The following PDE2A variants were observed in gnomAD, a reference collection of about 807,000 sequenced individuals.
PDE2A encodes phosphodiesterase 2A, also known as cGMP-dependent 3',5'-cyclic phosphodiesterase.
Under a neutral mutation model 133.6 loss-of-function variants are expected in PDE2A, and 53 were observed. The ratio of observed to expected loss-of-function variants is 0.40; its 90% confidence interval spans 0.32 to 0.50. PDE2A has a LOEUF of 0.50. Ranked by LOEUF, PDE2A falls within the 20% of genes least tolerant of loss-of-function variation. The pLI, the probability that PDE2A is intolerant of heterozygous loss-of-function variation, is 0.73. For synonymous variants in PDE2A, 491 were observed against 490.2 expected (o/e 1.00, Z -0.02); for missense variants, 796 against 1,232.4 (o/e 0.65, Z 5.30).
chr11:72,636,817 C>G (rs1024814490), intron 2 of PDE2A, among the ~76,000 whole-genome samples: 1 of 152,174 alleles, frequency 6.6e-6, no homozygotes, highest in Non-Finnish European at 1.5e-5. Context: ...GTCTCCACAC[C>G]ATGGTCCAGG....
chr11:72,606,861 C>A (rs969836077), intron 3 of PDE2A, among the ~76,000 whole-genome samples: 2 of 152,190 alleles, frequency 1.3e-5, no homozygotes, highest in Admixed American at 6.5e-5. Flanking sequence ...TCTCCCACCC[C>A]CTTACTCTCA....
chr11:72,607,144 G>A (rs952803138), intron 3 of PDE2A, among the ~76,000 whole-genome samples: 2 of 152,184 alleles, frequency 1.3e-5, no homozygotes, highest in Non-Finnish European at 2.9e-5. Flanking sequence ...GGCTTCCCTA[G>A]CTCCTATAGG....
intron 2 of PDE2A, among the ~76,000 whole-genome samples, chr11:72,633,571 C>T (rs1952070113): frequency 6.6e-6 from 1 of 152,166 alleles, no homozygotes; most frequent in African/African-American, 2.4e-5. Context: ...TCCTGATGGT[C>T]TGACCAGTTT....
At chr11:72,631,261 T>G in intron 2 of PDE2A, 1 of 689,002 alleles carries the variant, frequency 1.5e-6, no homozygotes, top group Non-Finnish European at 2.4e-6. Context: ...GAGCCTTGCC[T>G]GCTTGCACCC....
intron 24 of PDE2A, 64 bp from the exon 25 acceptor site, chr11:72,580,688 G>A: frequency 3.9e-6 from 5 of 1,294,324 alleles, no homozygotes; most frequent in Non-Finnish European, 5.5e-6. Flanking sequence ...ACTGCTTTAG[G>A]CTGAGCAGTG....
At chr11:72,650,964 T>C (rs1854724828) in intron 1 of PDE2A, among the ~76,000 whole-genome samples, 2 of 150,220 alleles carry the variant, frequency 1.3e-5, no homozygotes, top group South Asian at 4.2e-4. Context: ...CCATCAGAGA[T>C]ACCAAGGCAA....
intron 18 of PDE2A, 104 bp downstream of exon 18, chr11:72,584,447 C>T: frequency 7.2e-7 from 1 of 1,385,334 alleles, no homozygotes; most frequent in Non-Finnish European, 1.0e-6. Context: ...CTCCCTTATG[C>T]TCCGGGACGC....
In PDE2A at chr11:72,667,398, C is replaced by G. The variant is rs115537178; in HGVS notation, c.71+6739G>C. Among the ~76,000 whole-genome samples, 189 of 152,324 alleles carry G rather than the reference C, an allele frequency of 1.2e-3. 1 individual carries two copies. The highest frequency in any genetic ancestry group is 4.4e-3 in the African/African-American group (183 of 41,570). Reference sequence around the variant, plus strand: ...CAGAACCATGAGGAGAAAATTTCCTCTGGCTTAACTCAGTATGTCTGTCCC... The same window carrying G: ...CAGAACCATGAGGAGAAAATTTCCTGTGGCTTAACTCAGTATGTCTGTCCC... On this transcript the variant is annotated intron_variant, in intron 1 of 30. Coordinates refer to ENST00000334456, the MANE Select transcript of PDE2A (RefSeq NM_002599.5).
At chr11:72,619,084 C>A (rs1591081312) in intron 2 of PDE2A, among the ~76,000 whole-genome samples, 1 of 152,132 alleles carries the variant, frequency 6.6e-6, no homozygotes, top group South Asian at 2.1e-4. Flanking sequence ...ACACACTGGG[C>A]TGGGTAAATA....
intron 2 of PDE2A, chr11:72,631,260 C>T (rs1858368103): frequency 1.2e-5 from 8 of 689,592 alleles, no homozygotes; most frequent in Non-Finnish European, 2.0e-5. Flanking sequence ...GGAGCCTTGC[C>T]TGCTTGCACC....
intron 2 of PDE2A, 46 bp from the exon 3 acceptor site, chr11:72,608,797 G>T: frequency 1.8e-6 from 2 of 1,109,090 alleles, no homozygotes; most frequent in East Asian, 2.5e-5. Context: ...AGGCAGGCCA[G>T]GGCAGCCCCA....
chr11:72,582,590 T>C (rs1274174066), intron 20 of PDE2A, 24 bp from the exon 21 acceptor site: 8 of 1,597,682 alleles, frequency 5.0e-6, no homozygotes, highest in Non-Finnish European at 6.8e-6. Context: ...GCCAGAGCAT[T>C]AGAAGACAGC....
In PDE2A at chr11:72,664,105, C is replaced by A. The variant is rs193248688; in HGVS notation, c.71+10032G>T. Among the ~76,000 whole-genome samples the A allele has an allele frequency of 3.9e-5, 6 of 152,282 alleles. No individual in the cohort carries two copies. The East Asian group carries it at 1.2e-3, about 30-fold the overall frequency. On this transcript the variant is annotated intron_variant, in intron 1 of 30. Transcript: ENST00000334456. ...TCACCCACCTGCCTCCTTTGACAAG[C>A]AGTGGCTGCAGCCACAGCTCCTGCA... is the stretch of plus-strand genomic sequence containing the variant.
chr11:72,624,279 G>A (rs465873), intron 2 of PDE2A, among the ~76,000 whole-genome samples: 3,907 of 152,226 alleles, frequency 0.026, 167 homozygotes, highest in African/African-American at 0.09. Flanking sequence ...CACTGCATCT[G>A]GCCAGAGCAA....
At chr11:72,671,419 G>C (rs1316719258) in intron 1 of PDE2A, among the ~76,000 whole-genome samples, 1 of 152,204 alleles carries the variant, frequency 6.6e-6, no homozygotes, top group African/African-American at 2.4e-5. Context: ...CCTGACAGCA[G>C]CATGGCTGAG....
chr11:72,600,738 G>T (rs58303751), intron 4 of PDE2A, among the ~76,000 whole-genome samples: 6,904 of 152,054 alleles, frequency 0.045, 363 homozygotes, highest in African/African-American at 0.13. Context: ...CTCATGCTGG[G>T]GGTTGTGGGG....
At chr11:72,657,138 G>C (rs1180879904) in intron 1 of PDE2A, among the ~76,000 whole-genome samples, 1 of 152,118 alleles carries the variant, frequency 6.6e-6, no homozygotes, top group Non-Finnish European at 1.5e-5. Context: ...CCCTGGCCCA[G>C]CTGGGTCAGG....
intron 18 of PDE2A, 68 bp from the exon 19 acceptor site, chr11:72,584,381 C>CGG: frequency 7.8e-7 from 1 of 1,276,418 alleles, no homozygotes; most frequent in Non-Finnish European, 1.1e-6. Context: ...GGGATCCGGC[C>CGG]GGGACCTGCC....
intron 2 of PDE2A, among the ~76,000 whole-genome samples, chr11:72,624,291 C>A (rs1371590468): frequency 6.6e-6 from 1 of 152,188 alleles, no homozygotes; most frequent in Non-Finnish European, 1.5e-5. Context: ...CCAGAGCAAT[C>A]TTTTAAAACC....
Sources: gnomAD v4.1 joint callset for allele counts (sites outside exome capture counted in the v4.1 genomes callset) on GRCh38, gnomAD v4.1.1 for gene constraint, MANE v1.5 for transcripts, NCBI Gene and HGNC (gene_info 2026-07-23, HGNC 2026-07-21) for gene names.